CCBE1: variants seen among roughly 807,000 people sequenced by gnomAD.
CCBE1 encodes the protein collagen and calcium binding EGF domains 1.
Under a neutral mutation model 50.0 loss-of-function variants are expected in CCBE1, and 37 were observed. That is an observed-to-expected ratio of 0.74 (90% confidence interval 0.57 to 0.97). The LOEUF (loss-of-function observed/expected upper bound fraction) is 0.97. Ranked by LOEUF, CCBE1 falls within the 50% of genes least tolerant of loss-of-function variation. The pLI is 0.00. For missense variants in CCBE1, 538 were observed against 523.8 expected, an observed-to-expected ratio of 1.03 and a Z score of -0.26; for synonymous variants, 234 against 203.7, an observed-to-expected ratio of 1.15 and a Z score of -1.27.
chr18:59,514,246 C>T (rs1454983123), intron 2 of CCBE1, among the ~76,000 whole-genome samples: 2 of 152,158 alleles, frequency 1.3e-5, no homozygotes, highest in African/African-American at 4.8e-5. Context: ...GATGCTGGAC[C>T]TGAATCTTTT....
intron 3 of CCBE1, among the ~76,000 whole-genome samples, chr18:59,470,848 G>C (rs1339672067): frequency 6.6e-6 from 1 of 152,170 alleles, no homozygotes; most frequent in Non-Finnish European, 1.5e-5. Flanking sequence ...CGGGTGGGCT[G>C]TCAGCTCCTG....
At chr18:59,659,191 TG>T (rs1209046367) in intron 2 of CCBE1, among the ~76,000 whole-genome samples, 2 of 152,156 alleles carry the variant, frequency 1.3e-5, no homozygotes, top group Non-Finnish European at 2.9e-5. Context: ...ATGTAAGTAC[TG>T]AGGATTATGT....
intron 2 of CCBE1, among the ~76,000 whole-genome samples, chr18:59,583,658 T>TGC (rs2053121365): frequency 8.7e-6 from 1 of 115,016 alleles, no homozygotes; most frequent in Non-Finnish European, 1.8e-5. Flanking sequence ...GCTTTGCGTG[T>TGC]GTGTGTGTGT....
chr18:59,582,092 T>C (rs1429588), intron 2 of CCBE1, among the ~76,000 whole-genome samples: 33,226 of 152,024 alleles, frequency 0.22, 6,468 homozygotes, highest in African/African-American at 0.53. Context: ...ACTTGACTGG[T>C]CTGCCACTGT....
At chr18:59,631,972 T>C (rs578084682) in intron 2 of CCBE1, among the ~76,000 whole-genome samples, 2 of 152,348 alleles carry the variant, frequency 1.3e-5, no homozygotes, top group East Asian at 3.9e-4. Flanking sequence ...CTGTATCCTG[T>C]AGATTCAAAC....
intron 2 of CCBE1, among the ~76,000 whole-genome samples, chr18:59,688,804 G>T (rs2054691844): frequency 6.6e-6 from 1 of 152,186 alleles, no homozygotes; most frequent in Non-Finnish European, 1.5e-5. Flanking sequence ...GCTTGGCCAA[G>T]AAATCCAAAC....
intron 2 of CCBE1, among the ~76,000 whole-genome samples, chr18:59,566,767 ACT>A (rs1393503310): frequency 4.6e-5 from 7 of 151,826 alleles, no homozygotes; most frequent in African/African-American, 1.7e-4. Context: ...TGCTATCACC[ACT>A]CTCTTTTTTT....
At chr18:59,527,075 C>T (rs972967893) in intron 2 of CCBE1, among the ~76,000 whole-genome samples, 20 of 152,034 alleles carry the variant, frequency 1.3e-4, no homozygotes, top group African/African-American at 4.3e-4. Context: ...AATTTTCTCT[C>T]GATGATCTAA....
At chr18:59,600,859 G>A (rs1240622062) in intron 2 of CCBE1, among the ~76,000 whole-genome samples, 1 of 151,994 alleles carries the variant, frequency 6.6e-6, no homozygotes, top group Non-Finnish European at 1.5e-5. Flanking sequence ...CTTCAAGAAG[G>A]CTTTAAGGTT....
At chr18:59,442,340 T>G (rs1910470500) in intron 7 of CCBE1, among the ~76,000 whole-genome samples, 1 of 152,232 alleles carries the variant, frequency 6.6e-6, no homozygotes, top group African/African-American at 2.4e-5. Flanking sequence ...GCAGTATATC[T>G]ATAGTATAAT....
At chr18:59,492,747 C>A (rs895408189) in intron 2 of CCBE1, among the ~76,000 whole-genome samples, 1 of 152,166 alleles carries the variant, frequency 6.6e-6, no homozygotes, top group Non-Finnish European at 1.5e-5. Context: ...ACATCCAAAG[C>A]CAAAATGACA....
At chr18:59,469,348 C>A (rs1210952455) in intron 4 of CCBE1, 125 bp downstream of exon 4, 1 of 1,292,902 alleles carries the variant, frequency 7.7e-7, no homozygotes, top group Non-Finnish European at 1.1e-6. Flanking sequence ...GATAAGCTAT[C>A]CCTAGGATAA....
At chr18:59,478,747 T>C (rs1191102360) in intron 3 of CCBE1, among the ~76,000 whole-genome samples, 1 of 152,236 alleles carries the variant, frequency 6.6e-6, no homozygotes, top group Non-Finnish European at 1.5e-5. Flanking sequence ...CTTAATTTTC[T>C]TTCGAGTCTG....
At position 59,652,687 on chromosome 18, in the gene CCBE1, G is replaced by A. The variant is rs539555886; in HGVS notation, c.212+43942C>T. 2.6e-5 allele frequency among the ~76,000 whole-genome samples: 4 copies of A among 152,334 alleles called. No individual in the cohort carries two copies. In the South Asian group the frequency reaches 6.2e-4, roughly 24 times the overall value. On this transcript the variant is annotated intron_variant, in intron 2 of 10. Transcript: ENST00000439986. ...CCAGCTAAAGAAAGGATTTTCGGCC[G>A]GGCGCAGTGGCTCCCGCCTGTAATC...
At chr18:59,602,387 C>A (rs937806532) in intron 2 of CCBE1, among the ~76,000 whole-genome samples, 2 of 151,988 alleles carry the variant, frequency 1.3e-5, no homozygotes, top group East Asian at 1.9e-4. Context: ...CTGTTTTTTC[C>A]TTCTATCAAT....
At chr18:59,647,376 A>T (rs2054069017) in intron 2 of CCBE1, among the ~76,000 whole-genome samples, 1 of 152,244 alleles carries the variant, frequency 6.6e-6, no homozygotes. Flanking sequence ...AAATACATAA[A>T]TAGAAAAAAG....
At chr18:59,694,592 G>C (rs2054780310) in intron 2 of CCBE1, among the ~76,000 whole-genome samples, 1 of 150,508 alleles carries the variant, frequency 6.6e-6, no homozygotes, top group South Asian at 2.2e-4. Context: ...GGGGGCAGAG[G>C]CCCAGGATTC....
chr18:59,437,006 A>G (rs1910188558), intron 10 of CCBE1, among the ~76,000 whole-genome samples: 1 of 152,166 alleles, frequency 6.6e-6, no homozygotes, highest in African/African-American at 2.4e-5. Context: ...TAAAAGCAAA[A>G]TTATTAAAAT....
chr18:59,465,717 C>T (rs1458717316), intron 5 of CCBE1: 5 of 152,176 alleles, frequency 3.3e-5, no homozygotes, highest in Non-Finnish European at 7.3e-5. Flanking sequence ...TCTTGCCTGT[C>T]CCTAGACCAT....
Sources: allele counts gnomAD v4.1 joint callset (sites outside exome capture counted in the v4.1 genomes callset), GRCh38; gene constraint gnomAD v4.1.1; transcripts MANE v1.5; gene names NCBI Gene and HGNC (gene_info 2026-07-23, HGNC 2026-07-21).